SNX29: variants seen among roughly 807,000 people sequenced by gnomAD.
SNX29 encodes sorting nexin-29.
Under a neutral mutation model 102.1 loss-of-function variants are expected in SNX29, and 78 were observed. The ratio of observed to expected loss-of-function variants is 0.76; its 90% CI spans 0.64 to 0.92. SNX29 has a LOEUF of 0.92. Ranked by LOEUF, SNX29 falls within the 40% of genes least tolerant of loss-of-function variation. The pLI is 0.00. For missense variants in SNX29, 1,280 were observed against 1,061.7 expected (o/e 1.21, Z -2.86); for synonymous variants, 580 against 414.5 (o/e 1.40, Z -4.85).
intron 20 of SNX29, among the ~76,000 whole-genome samples, chr16:12,542,048 C>T (rs577688039): frequency 8.5e-5 from 13 of 152,166 alleles, no homozygotes; most frequent in African/African-American, 3.1e-4. Context: ...ATTAGTTTGG[C>T]AAAGATATTC....
intron 20 of SNX29, among the ~76,000 whole-genome samples, chr16:12,541,383 T>C (rs568354124): frequency 1.3e-5 from 2 of 152,182 alleles, no homozygotes; most frequent in Non-Finnish European, 2.9e-5. Flanking sequence ...GCAGTTACCA[T>C]GTGCAGGCTC....
chr16:12,252,547 A>C (rs1342926738), intron 14 of SNX29, among the ~76,000 whole-genome samples: 2 of 152,212 alleles, frequency 1.3e-5, no homozygotes, highest in African/African-American at 4.8e-5. Context: ...AATCATCATC[A>C]TCACCCAATA....
chr16:12,452,098 A>G (rs1176795519), intron 18 of SNX29, among the ~76,000 whole-genome samples: 1 of 152,070 alleles, frequency 6.6e-6, no homozygotes, highest in African/African-American at 2.4e-5. Context: ...TGCTGGACCC[A>G]CCCTGAGGGA....
rs769831436 is a variant in SNX29, at chr16:12,571,848, C to T, written c.*3219C>T. On this transcript the variant is annotated 3_prime_UTR_variant, in exon 21 of 21. Transcript: ENST00000566228. ...TTCCCACTTAGCAGTATGCTCCAAT[C>T]ACGTTGCTGGCAAGGCATTTTAGAG... 9.5e-6 allele frequency: 10 copies of T among 1,057,358 alleles called. No individual in the cohort carries two copies. Among genetic ancestry groups the T allele is most frequent in the Non-Finnish European group, 1.1e-5 (10 of 873,116 alleles). 65.5% of individuals were successfully genotyped at this position (1,057,358 alleles called of 1,614,324 possible).
chr16:12,286,948 A>G (rs1209903746), intron 15 of SNX29, among the ~76,000 whole-genome samples: 1 of 152,202 alleles, frequency 6.6e-6, no homozygotes, highest in Non-Finnish European at 1.5e-5. Flanking sequence ...AGCCTGTTAA[A>G]AGAGGCTCGT....
In SNX29 at chr16:12,094,861, C is replaced by CT. The variant is rs200722191; in HGVS notation, c.1402+15955dup. Among the ~76,000 whole-genome samples, 385 of 151,214 alleles carry CT rather than the reference C, an allele frequency of 2.5e-3. 3 individuals are homozygous for CT. The highest frequency in any genetic ancestry group is 0.014 in the Middle Eastern group (4 of 292). The stretch of plus-strand genomic sequence containing the variant: ...TCCAGGAACCGTATTTTGTCTTAGG[C>CT]TTTTTTTTTAAAACCTCTCGCCTCC... On this transcript the variant is annotated intron_variant, in intron 11 of 20. Coordinates refer to ENST00000566228, the MANE Select transcript of SNX29 (RefSeq NM_032167.5).
intron 15 of SNX29, among the ~76,000 whole-genome samples, chr16:12,313,677 C>T (rs1411139415): frequency 6.6e-6 from 1 of 152,222 alleles, no homozygotes; most frequent in Non-Finnish European, 1.5e-5. Flanking sequence ...CCCATGAGGG[C>T]AGGGAAGTCT....
chr16:12,214,145 T>A (rs1370130760), intron 14 of SNX29, among the ~76,000 whole-genome samples: 1 of 152,084 alleles, frequency 6.6e-6, no homozygotes, highest in African/African-American at 2.4e-5. Flanking sequence ...TGGCAGGGGC[T>A]TTCTTCTCCC....
intron 1 of SNX29, among the ~76,000 whole-genome samples, chr16:11,983,302 C>A (rs1351723773): frequency 1.4e-5 from 2 of 142,922 alleles, no homozygotes; most frequent in Non-Finnish European, 3.0e-5. Flanking sequence ...ATCTGGTACT[C>A]CTGGCCTTAA....
At chr16:12,425,540 A>T (rs1384488504) in intron 18 of SNX29, among the ~76,000 whole-genome samples, 2 of 71,606 alleles carry the variant, frequency 2.8e-5, no homozygotes, top group Middle Eastern at 7.9e-3. Flanking sequence ...AAAAAAAAAA[A>T]AAAATAAAAA....
chr16:12,552,664 G>A (rs917678588), intron 20 of SNX29, among the ~76,000 whole-genome samples: 2 of 152,248 alleles, frequency 1.3e-5, no homozygotes, highest in African/African-American at 2.4e-5. Flanking sequence ...GGGAGACCCA[G>A]GCCATGCAGG....
chr16:12,036,987 C>G (rs775573149), intron 4 of SNX29, among the ~76,000 whole-genome samples: 5 of 152,046 alleles, frequency 3.3e-5, no homozygotes, highest in Non-Finnish European at 5.9e-5. Context: ...CTCCATCTGT[C>G]GTCCCTCACC....
intron 11 of SNX29, among the ~76,000 whole-genome samples, chr16:12,104,120 A>G (rs1354593184): frequency 6.6e-6 from 1 of 152,226 alleles, no homozygotes; most frequent in Admixed American, 6.5e-5. Context: ...ACTTGATCCC[A>G]TACCATCTGG....
chr16:12,388,660 A>T (rs1555526160), intron 16 of SNX29, among the ~76,000 whole-genome samples: 1 of 152,216 alleles, frequency 6.6e-6, no homozygotes, highest in Non-Finnish European at 1.5e-5. Context: ...TAACTGGCTG[A>T]GTGGGACTGT....
chr16:12,559,393 G>GC (rs1345076742), intron 20 of SNX29, among the ~76,000 whole-genome samples: 1 of 150,984 alleles, frequency 6.6e-6, no homozygotes, highest in Non-Finnish European at 1.5e-5. Flanking sequence ...CTCTCCCATC[G>GC]CCCCCTGAAG....
intron 15 of SNX29, among the ~76,000 whole-genome samples, chr16:12,304,704 T>C (rs943268308): frequency 3.3e-5 from 5 of 152,208 alleles, no homozygotes; most frequent in Non-Finnish European, 5.9e-5. Context: ...GCTTCACTTA[T>C]TTTCTTGCTT....
At chr16:12,179,706 A>C (rs1013853884) in intron 13 of SNX29, among the ~76,000 whole-genome samples, 2 of 152,238 alleles carry the variant, frequency 1.3e-5, no homozygotes, top group East Asian at 3.8e-4. Flanking sequence ...CGGATTCTGC[A>C]AGGGACTGTT....
chr16:12,317,769 A>G (rs1168088161), intron 15 of SNX29, among the ~76,000 whole-genome samples: 1 of 152,164 alleles, frequency 6.6e-6, no homozygotes, highest in African/African-American at 2.4e-5. Context: ...TAACTGGGTG[A>G]CCCTGGATAT....
chr16:12,568,397 C>T (rs963156859), intron 20 of SNX29, 109 bp from the exon 21 acceptor site: 106 of 1,433,252 alleles, frequency 7.4e-5, no homozygotes, highest in Non-Finnish European at 9.3e-5. Context: ...GAGCCAGTCA[C>T]AGTTGCCAAT....
Sources: allele counts gnomAD v4.1 joint callset (sites outside exome capture counted in the v4.1 genomes callset), GRCh38; gene constraint gnomAD v4.1.1; transcripts MANE v1.5; gene names NCBI Gene and HGNC (gene_info 2026-07-23, HGNC 2026-07-21).